The following ALPK2 variants were observed in gnomAD, a reference collection of about 807,000 sequenced individuals.
ALPK2 encodes alpha-protein kinase 2.
ALPK2 carries 127 observed loss-of-function variants against 163.1 expected under a neutral mutation model. That is an observed-to-expected ratio of 0.78 (90% CI 0.67 to 0.90). The LOEUF is 0.90. Ranked by LOEUF, ALPK2 falls within the 40% of genes least tolerant of loss-of-function variation. ALPK2 has a pLI of 0.00. For missense variants in ALPK2, 2,360 were observed against 2,589.6 expected, an observed-to-expected ratio of 0.91 and a Z score of 1.92; for synonymous variants, 953 against 959.1, an observed-to-expected ratio of 0.99 and a Z score of 0.12.
At chr18:58,568,818 A>G (rs1217776899) in intron 4 of ALPK2, among the ~76,000 whole-genome samples, 1 of 152,210 alleles carries the variant, frequency 6.6e-6, no homozygotes, top group African/African-American at 2.4e-5. Context: ...TTATTTGCAA[A>G]TACTATGCCA....
At position 58,516,973 on chromosome 18, in the gene ALPK2, C is replaced by T. The variant is rs375621243; in HGVS notation, c.5875G>A (p.Ala1959Thr). The T allele has an allele frequency of 6.2e-6, 10 of 1,614,064 alleles. No homozygotes were observed. The highest frequency in any genetic ancestry group is 8.5e-6 in the Non-Finnish European group (10 of 1,180,040). ...TTATTTCTGGTCCCATAGGCAATGG[C>T]ATTGTGCACCTTAAGCACACAGGCA... Reference protein sequence around the residue: ...GHACVLKVHNAIAYGTRNNDE... With the variant: ...GHACVLKVHNTIAYGTRNNDE... Residue 1959 changes from alanine to threonine, a missense_variant, in exon 9 of 13, where the codon GCC becomes ACC. Ala to Thr is a moderately conservative substitution (Grantham distance 58). Coordinates refer to ENST00000361673, the MANE Select transcript of ALPK2 (RefSeq NM_052947.4).
At chr18:58,591,535 G>C (rs542710184) in intron 3 of ALPK2, among the ~76,000 whole-genome samples, 2 of 152,236 alleles carry the variant, frequency 1.3e-5, no homozygotes, top group Non-Finnish European at 2.9e-5. Flanking sequence ...CAGGTGTTGG[G>C]GGCATGCAAG....
At chr18:58,586,702 T>C (rs552300019) in intron 3 of ALPK2, among the ~76,000 whole-genome samples, 6 of 151,942 alleles carry the variant, frequency 3.9e-5, no homozygotes, top group African/African-American at 1.4e-4. Flanking sequence ...TTTTGTGTGA[T>C]CTGACTTAGA....
intron 3 of ALPK2, among the ~76,000 whole-genome samples, chr18:58,590,896 C>T (rs2052011681): frequency 6.6e-6 from 1 of 152,212 alleles, no homozygotes. Context: ...TTCCCCGGTT[C>T]TGCTCTCTAT....
chr18:58,556,315 G>A (rs1049922754), intron 4 of ALPK2, among the ~76,000 whole-genome samples: 2 of 152,178 alleles, frequency 1.3e-5, no homozygotes, highest in African/African-American at 4.8e-5. Context: ...TTTGAGGAGA[G>A]CTAAGGAACT....
intron 11 of ALPK2, among the ~76,000 whole-genome samples, chr18:58,502,183 G>C (rs1005172136): frequency 3.2e-4 from 26 of 80,464 alleles, no homozygotes; most frequent in African/African-American, 9.5e-4. Context: ...CACACACAAA[G>C]AAAAAAAAAA....
intron 3 of ALPK2, among the ~76,000 whole-genome samples, chr18:58,598,579 G>A (rs1372445962): frequency 6.6e-6 from 1 of 152,160 alleles, no homozygotes; most frequent in Non-Finnish European, 1.5e-5. Context: ...AGAGACTTAC[G>A]CTGCCAAACT....
chr18:58,575,505 A>G (rs1296231011), intron 4 of ALPK2, among the ~76,000 whole-genome samples: 4 of 152,076 alleles, frequency 2.6e-5, no homozygotes, highest in African/African-American at 9.7e-5. Flanking sequence ...CAGAAATGCA[A>G]CTCCCTCTGG....
At chr18:58,506,420 G>T (rs901472545) in intron 10 of ALPK2, among the ~76,000 whole-genome samples, 1 of 151,450 alleles carries the variant, frequency 6.6e-6, no homozygotes, top group African/African-American at 2.4e-5. Flanking sequence ...ACATTTAAAT[G>T]ATATTTAAAA....
intron 4 of ALPK2, among the ~76,000 whole-genome samples, chr18:58,573,334 GTGTA>G (rs2051898540): frequency 6.3e-5 from 7 of 110,892 alleles, no homozygotes; most frequent in Admixed American, 3.6e-4. Context: ...ATGTATATAT[GTGTA>G]TATATATGTA....
chr18:58,608,012 A>G (rs1012097229), intron 2 of ALPK2, among the ~76,000 whole-genome samples: 4 of 152,242 alleles, frequency 2.6e-5, no homozygotes, highest in Middle Eastern at 3.2e-3. Flanking sequence ...ACATTCCTTT[A>G]TTAAATTGCC....
At chr18:58,534,809 A>G (rs376783025) in intron 5 of ALPK2, 25 bp downstream of exon 5, 5 of 1,578,126 alleles carry the variant, frequency 3.2e-6, no homozygotes, top group African/African-American at 2.7e-5. Flanking sequence ...AACTTTAACA[A>G]TGATGGACAG....
chr18:58,498,573 T>G (rs1043629276), intron 11 of ALPK2, among the ~76,000 whole-genome samples: 6 of 152,220 alleles, frequency 3.9e-5, no homozygotes, highest in African/African-American at 1.4e-4. Flanking sequence ...TTGATATGGT[T>G]TGGCCATGTC....
intron 2 of ALPK2, among the ~76,000 whole-genome samples, chr18:58,608,835 T>C (rs1263755873): frequency 6.6e-6 from 1 of 151,776 alleles, no homozygotes; most frequent in Non-Finnish European, 1.5e-5. Context: ...ACCTGTAGTC[T>C]CAGCTACCTG....
intron 1 of ALPK2, among the ~76,000 whole-genome samples, chr18:58,619,896 AAATG>A (rs1346982583): frequency 1.3e-5 from 2 of 152,282 alleles, no homozygotes; most frequent in Non-Finnish European, 2.9e-5. Context: ...GAAACAACCT[AAATG>A]TCTATTGGAA....
At chr18:58,557,869 G>A (rs2051803245) in intron 4 of ALPK2, among the ~76,000 whole-genome samples, 2 of 152,184 alleles carry the variant, frequency 1.3e-5, no homozygotes, top group South Asian at 2.1e-4. Context: ...GATTCCTTGA[G>A]CTCAGGAGCT....
At chr18:58,560,987 A>AT (rs1199515630) in intron 4 of ALPK2, among the ~76,000 whole-genome samples, 3 of 152,116 alleles carry the variant, frequency 2.0e-5, no homozygotes, top group East Asian at 1.9e-4. Flanking sequence ...TGTGATTGAG[A>AT]TTTTTTTTAT....
At chr18:58,567,620 G>A (rs760781236) in intron 4 of ALPK2, among the ~76,000 whole-genome samples, 56 of 152,100 alleles carry the variant, frequency 3.7e-4, no homozygotes, top group Admixed American at 9.2e-4. Context: ...CTGTGAGATC[G>A]GTCTACAAGA....
chr18:58,514,474 G>A (rs2051510652), intron 10 of ALPK2, among the ~76,000 whole-genome samples: 1 of 152,162 alleles, frequency 6.6e-6, no homozygotes, highest in Admixed American at 6.5e-5. Flanking sequence ...TAAATATTTA[G>A]GCAAAGAGCA....
Sources: allele counts gnomAD v4.1 joint callset (sites outside exome capture counted in the v4.1 genomes callset), GRCh38; gene constraint gnomAD v4.1.1; transcripts MANE v1.5; gene names NCBI Gene and HGNC (gene_info 2026-07-23, HGNC 2026-07-21).